The following SCAPER variants were observed in gnomAD, a reference collection of about 807,000 sequenced individuals.
The protein encoded by SCAPER is S phase cyclin A-associated protein in the endoplasmic reticulum.
Under a neutral mutation model 182.2 loss-of-function variants are expected in SCAPER, and 98 were observed. That is an observed-to-expected ratio of 0.54 (90% confidence interval 0.46 to 0.64). The LOEUF is 0.64. Ranked by LOEUF, SCAPER falls within the 30% of genes least tolerant of loss-of-function variation. The pLI is 0.00. For missense variants in SCAPER, 1,432 were observed against 1,690.0 expected (o/e 0.85, Z 2.68); for synonymous variants, 605 against 564.6 (o/e 1.07, Z -1.01).
intron 14 of SCAPER, among the ~76,000 whole-genome samples, chr15:76,754,928 T>C (rs1389339280): frequency 1.3e-5 from 2 of 152,124 alleles, no homozygotes; most frequent in East Asian, 1.9e-4. Context: ...GGTGATCTGA[T>C]GATATTACTC....
At chr15:76,621,158 C>T (rs2052007990) in intron 22 of SCAPER, among the ~76,000 whole-genome samples, 1 of 152,138 alleles carries the variant, frequency 6.6e-6, no homozygotes, top group South Asian at 2.1e-4. Flanking sequence ...GTCTGTACTC[C>T]CTTCAATAGT....
chr15:76,535,346 A>AC (rs1379009219), intron 23 of SCAPER, among the ~76,000 whole-genome samples: 8 of 151,246 alleles, frequency 5.3e-5, no homozygotes, highest in African/African-American at 1.9e-4. Context: ...ACACGGTGAG[A>AC]CCCTGTCTCT....
chr15:76,510,957 T>A (rs2041982667), intron 23 of SCAPER, among the ~76,000 whole-genome samples: 1 of 152,178 alleles, frequency 6.6e-6, no homozygotes, highest in South Asian at 2.1e-4. Flanking sequence ...TGCAGCAGCC[T>A]GGATGGGACT....
At position 76,800,187 on chromosome 15, in the gene SCAPER, TATA is replaced by T. The variant is rs2065664944; in HGVS notation, c.611+58_611+60del. 28 of 889,886 alleles carry T rather than the reference TATA, an allele frequency of 3.1e-5. 1 individual carries two copies. In the South Asian group the frequency reaches 3.8e-4, roughly 12 times the overall value. The allele number at this position is 889,886 out of a possible 1,614,324, so 55.1% of individuals were successfully genotyped here. The stretch of plus-strand genomic sequence containing the variant: ...TAGTAGAATATCAGAATCATAATAC[TATA>T]ATAACTAAGAAAATAATTTAATGCA... On this transcript the variant is annotated intron_variant, in intron 7 of 31. Transcript: ENST00000563290.
intron 3 of SCAPER, among the ~76,000 whole-genome samples, chr15:76,861,237 A>G (rs1337735475): frequency 2.6e-5 from 4 of 152,236 alleles, no homozygotes; most frequent in African/African-American, 9.6e-5. Flanking sequence ...ATATTTACAT[A>G]GTTTCAAACT....
intron 17 of SCAPER, among the ~76,000 whole-genome samples, chr15:76,726,124 A>AAT (rs765875424): frequency 0.011 from 173 of 15,354 alleles, 9 homozygotes; most frequent in African/African-American, 0.023. Context: ...TAATGTCTAG[A>AAT]ATATATATAT....
rs556766986 is a variant in SCAPER, at chr15:76,453,042, C to T, written c.3078+18170G>A. The stretch of plus-strand genomic sequence containing the variant: ...AGTGATGGGGTCTTGCTATGTTGCC[C>T]AGGCTGGTTTCAAACTGCTGGCCTC... On this transcript the variant is annotated intron_variant, in intron 25 of 31. Coordinates refer to ENST00000563290, the MANE Select transcript of SCAPER (RefSeq NM_020843.4). Among the ~76,000 whole-genome samples the T allele has an allele frequency of 3.9e-5, 6 of 152,226 alleles. No individual in the cohort carries two copies. The East Asian group carries it at 7.7e-4, about 20-fold the overall frequency.
intron 15 of SCAPER, among the ~76,000 whole-genome samples, chr15:76,736,025 C>T (rs1296249422): frequency 1.3e-5 from 2 of 152,108 alleles, no homozygotes; most frequent in Non-Finnish European, 2.9e-5. Flanking sequence ...TGAACATGTA[C>T]AGGCATACCT....
intron 26 of SCAPER, 21 bp from the exon 27 acceptor site, chr15:76,404,700 C>A: frequency 1.2e-6 from 2 of 1,604,244 alleles, no homozygotes; most frequent in Non-Finnish European, 1.7e-6. Context: ...GGGAGAAATG[C>A]ATGTTATCAA....
intron 1 of SCAPER, among the ~76,000 whole-genome samples, chr15:76,900,355 A>C (rs1040023571): frequency 3.3e-5 from 5 of 151,110 alleles, no homozygotes; most frequent in Admixed American, 6.6e-5. Flanking sequence ...AAAAAAAAAA[A>C]AAAAAGACAA....
At chr15:76,831,655 T>C (rs2068497311) in intron 5 of SCAPER, among the ~76,000 whole-genome samples, 1 of 151,056 alleles carries the variant, frequency 6.6e-6, no homozygotes, top group Non-Finnish European at 1.5e-5. Flanking sequence ...TCACCCACAA[T>C]GCCCCCGCAC....
chr15:76,652,341 TATAC>T (rs1407128109), intron 21 of SCAPER, among the ~76,000 whole-genome samples: 1 of 7,326 alleles, frequency 1.4e-4, no homozygotes, highest in African/African-American at 4.1e-4. Context: ...CATACACATA[TATAC>T]ACACACACAC....
At chr15:76,366,844 T>C (rs1441451807) in intron 29 of SCAPER, among the ~76,000 whole-genome samples, 1 of 152,178 alleles carries the variant, frequency 6.6e-6, no homozygotes, top group East Asian at 1.9e-4. Context: ...CATGCCCCTT[T>C]GGGAAGGGAA....
chr15:76,809,240 G>T (rs1209080163), intron 5 of SCAPER, among the ~76,000 whole-genome samples: 2 of 152,064 alleles, frequency 1.3e-5, no homozygotes, highest in Non-Finnish European at 2.9e-5. Context: ...GAAGAAACAG[G>T]TATACAAGTT....
chr15:76,730,706 C>A (rs1270069042), intron 16 of SCAPER, among the ~76,000 whole-genome samples: 1 of 151,996 alleles, frequency 6.6e-6, no homozygotes, highest in African/African-American at 2.4e-5. Context: ...ATAATTAAAG[C>A]AGAATTTTTC....
Position 76,893,833 on chromosome 15 carries a change from A to G in SCAPER, c.-59-9957T>C, listed in dbSNP as rs112148648. On this transcript the variant is annotated intron_variant, in intron 1 of 31. Coordinates refer to ENST00000563290, the MANE Select transcript of SCAPER (RefSeq NM_020843.4). ...TAAACAATCAATGGGTCATAGAAAAAAATCAAAAGGGAAATCAAAAAGTAT... is the reference window on the plus strand; with the variant it reads ...TAAACAATCAATGGGTCATAGAAAAGAATCAAAAGGGAAATCAAAAAGTAT... Among the ~76,000 whole-genome samples, 1,197 of 152,360 alleles carry G rather than the reference A, an allele frequency of 7.9e-3. 11 individuals are homozygous for G. Among genetic ancestry groups the G allele is most frequent in the African/African-American group, 0.027 (1,136 of 41,580 alleles).
intron 2 of SCAPER, among the ~76,000 whole-genome samples, chr15:76,869,301 A>G (rs531796173): frequency 6.6e-6 from 1 of 152,296 alleles, no homozygotes; most frequent in African/African-American, 2.4e-5. Flanking sequence ...TCTGCATAAC[A>G]AAGGAAATAA....
At chr15:76,742,344 G>A (rs923496831) in intron 15 of SCAPER, among the ~76,000 whole-genome samples, 2 of 147,446 alleles carry the variant, frequency 1.4e-5, no homozygotes, top group Non-Finnish European at 3.0e-5. Context: ...AGGTAATCTA[G>A]AGGAAGAAAG....
At chr15:76,717,065 T>C (rs954022692) in intron 17 of SCAPER, among the ~76,000 whole-genome samples, 1 of 148,682 alleles carries the variant, frequency 6.7e-6, no homozygotes, top group African/African-American at 2.5e-5. Context: ...GGGATGTCCA[T>C]CAGAGTATCA....
Sources: gnomAD v4.1 joint callset for allele counts (sites outside exome capture counted in the v4.1 genomes callset) on GRCh38, gnomAD v4.1.1 for gene constraint, MANE v1.5 for transcripts, NCBI Gene and HGNC (gene_info 2026-07-23, HGNC 2026-07-21) for gene names.